ABCA1: variants seen among roughly 807,000 people sequenced by gnomAD.
ABCA1 encodes the protein ATP binding cassette subfamily A member 1.
Under a neutral mutation model 262.5 loss-of-function variants are expected in ABCA1, and 133 were observed. That is an observed-to-expected ratio of 0.51 (90% confidence interval 0.44 to 0.59). The LOEUF (loss-of-function observed/expected upper bound fraction) is 0.59, where lower values mean the gene tolerates loss of function less well. Ranked by LOEUF, ABCA1 falls within the 20% of genes least tolerant of loss-of-function variation. ABCA1 has a pLI of 0.00. For synonymous variants in ABCA1, 1,022 were observed against 1,043.5 expected (o/e 0.98, Z 0.40); for missense variants, 2,452 against 2,777.5 (o/e 0.88, Z 2.63).
chr9:104,856,367 T>C (rs1260537050), intron 7 of ABCA1, among the ~76,000 whole-genome samples: 1 of 152,066 alleles, frequency 6.6e-6, no homozygotes, highest in Non-Finnish European at 1.5e-5. Context: ...AGAACCTGAG[T>C]GCTCCACAAA....
intron 1 of ABCA1, among the ~76,000 whole-genome samples, chr9:104,922,516 A>G (rs1196251722): frequency 6.6e-6 from 1 of 152,212 alleles, no homozygotes; most frequent in Non-Finnish European, 1.5e-5. Flanking sequence ...CCATCTATAA[A>G]GACAATAAAA....
chr9:104,800,398 C>A, intron 35 of ABCA1, 112 bp downstream of exon 35: 1 of 1,010,276 alleles, frequency 9.9e-7, no homozygotes, highest in Non-Finnish European at 1.6e-6. Context: ...TAATAGTTTG[C>A]TCTTTTCTGT....
At chr9:104,853,205 A>G (rs916755323) in intron 7 of ABCA1, among the ~76,000 whole-genome samples, 3 of 152,214 alleles carry the variant, frequency 2.0e-5, no homozygotes, top group African/African-American at 7.2e-5. Context: ...TGGTTCCACA[A>G]AAACCACTTC....
At chr9:104,846,657 T>C (rs1222424644) in intron 7 of ABCA1, among the ~76,000 whole-genome samples, 1 of 152,240 alleles carries the variant, frequency 6.6e-6, no homozygotes, top group Admixed American at 6.5e-5. Context: ...ATCCTCAATG[T>C]GCATTTCTAA....
intron 5 of ABCA1, among the ~76,000 whole-genome samples, chr9:104,862,214 C>A (rs1054996437): frequency 2.6e-5 from 4 of 152,084 alleles, no homozygotes; most frequent in Non-Finnish European, 4.4e-5. Flanking sequence ...AGAGATTCTC[C>A]TGCCTCAGCC....
intron 5 of ABCA1, among the ~76,000 whole-genome samples, chr9:104,863,472 C>G (rs772629547): frequency 6.6e-6 from 1 of 152,122 alleles, no homozygotes; most frequent in Non-Finnish European, 1.5e-5. Context: ...CAGGTTTGAT[C>G]TGAAAATGGG....
At chr9:104,792,700 A>G (rs967095814) in intron 42 of ABCA1, 86 bp downstream of exon 42, 3 of 1,586,092 alleles carry the variant, frequency 1.9e-6, no homozygotes, top group African/African-American at 2.7e-5. Context: ...ATGCCCTTTT[A>G]TTAAGCAAGT....
chr9:104,792,991 T>C, intron 41 of ABCA1, 85 bp from the exon 42 acceptor site: 1 of 1,604,810 alleles, frequency 6.2e-7, no homozygotes. Flanking sequence ...TTATAAAACC[T>C]ACTTGCCACA....
At chr9:104,784,813 T>C (rs1017963243) in intron 49 of ABCA1, among the ~76,000 whole-genome samples, 4 of 152,112 alleles carry the variant, frequency 2.6e-5, no homozygotes, top group Non-Finnish European at 5.9e-5. Context: ...CCAGCTAATT[T>C]TTGTATTTTT....
At chr9:104,835,107 G>A (rs1036913093) in intron 11 of ABCA1, among the ~76,000 whole-genome samples, 3 of 152,018 alleles carry the variant, frequency 2.0e-5, no homozygotes, top group African/African-American at 4.8e-5. Context: ...AATTAGCCGG[G>A]CACAGTGATA....
rs765522688 is a variant in ABCA1 at position 104,784,386 on chromosome 9, G to A, written c.6715C>T (p.Gln2239Ter). The change falls in exon 50 of 50, where the codon CAG (glutamine) becomes TAG (stop). Residue 2239 changes from glutamine to a stop codon, truncating the protein, a stop_gained. Transcript: ENST00000374736. LOFTEE classifies it high-confidence loss of function. ...HLKDLSLHKNQTVVDVAVLTS... is the reference protein window; with the variant it reads ...HLKDLSLHKN ...AGAACTGCAACGTCCACTACTGTCT[G>A]GTTTTTGTGTAATGAGAGGTCTTTT... The A allele has an allele frequency of 6.2e-7, 1 of 1,614,036 alleles. No individual in the cohort carries two copies. Among genetic ancestry groups the A allele is most frequent in the Non-Finnish European group, 8.5e-7 (1 of 1,179,982 alleles).
At chr9:104,884,797 T>C (rs1288491937) in intron 3 of ABCA1, among the ~76,000 whole-genome samples, 1 of 152,094 alleles carries the variant, frequency 6.6e-6, no homozygotes, top group Non-Finnish European at 1.5e-5. Flanking sequence ...GATACCAGCG[T>C]TGGAGAAGTG....
In ABCA1 at chr9:104,816,468, T is replaced by G. The variant is rs78103745; in HGVS notation, c.3536-123A>C. On this transcript the variant is annotated intron_variant, in intron 24 of 49. Coordinates refer to ENST00000374736, the MANE Select transcript of ABCA1 (RefSeq NM_005502.4). ...CATACACCACACCTGTTCCAGGTGT[T>G]TAGGTCATTCCACATGTTCATCTCT... 3,122 of 895,266 alleles carry G rather than the reference T, an allele frequency of 3.5e-3. 67 individuals carry two copies. The African/African-American group carries it at 0.046, about 13-fold the overall frequency. 55.5% of individuals were successfully genotyped at this position (895,266 alleles called of 1,614,324 possible).
intron 2 of ABCA1, among the ~76,000 whole-genome samples, chr9:104,901,890 T>C (rs1840696240): frequency 6.6e-6 from 1 of 152,170 alleles, no homozygotes; most frequent in Admixed American, 6.5e-5. Context: ...ATAAATCTAG[T>C]TAATAATGCC....
At chr9:104,839,907 T>G (rs1834212585) in intron 9 of ABCA1, among the ~76,000 whole-genome samples, 1 of 152,256 alleles carries the variant, frequency 6.6e-6, no homozygotes, top group Non-Finnish European at 1.5e-5. Context: ...AAACTGACAC[T>G]TTCTACCTTA....
At chr9:104,813,770 T>G (rs1831486343) in intron 27 of ABCA1, among the ~76,000 whole-genome samples, 1 of 152,254 alleles carries the variant, frequency 6.6e-6, no homozygotes, top group Non-Finnish European at 1.5e-5. Context: ...CCTTTCTGAC[T>G]CTTTCAAAAT....
chr9:104,904,399 C>G (rs1840929298), intron 1 of ABCA1, among the ~76,000 whole-genome samples: 1 of 152,036 alleles, frequency 6.6e-6, no homozygotes, highest in Admixed American at 6.6e-5. Context: ...GAAACCCCGT[C>G]TCTACTAAAA....
intron 2 of ABCA1, among the ~76,000 whole-genome samples, chr9:104,897,822 C>T (rs748072899): frequency 7.2e-5 from 11 of 152,158 alleles, no homozygotes; most frequent in Non-Finnish European, 1.5e-4. Flanking sequence ...AGGCTGGTCT[C>T]AAATTCCTGG....
chr9:104,921,278 G>C (rs764015746), intron 1 of ABCA1, among the ~76,000 whole-genome samples: 1 of 152,126 alleles, frequency 6.6e-6, no homozygotes, highest in Admixed American at 6.5e-5. Flanking sequence ...AGTTGGATTT[G>C]GCAGAGAAAA....
Sources: gnomAD v4.1 joint callset for allele counts (sites outside exome capture counted in the v4.1 genomes callset) on GRCh38, gnomAD v4.1.1 for gene constraint, MANE v1.5 for transcripts, NCBI Gene and HGNC (gene_info 2026-07-23, HGNC 2026-07-21) for gene names.